The following FOXJ1 variants were observed in gnomAD, a reference collection of about 807,000 sequenced individuals.
The protein encoded by FOXJ1 is forkhead box J1.
Under a neutral mutation model 29.3 loss-of-function variants are expected in FOXJ1, and 8 were observed. The observed-to-expected ratio is 0.27, with a 90% confidence interval of 0.16 to 0.49. The LOEUF (loss-of-function observed/expected upper bound fraction) is 0.49. FOXJ1 is among the 20% of genes least tolerant of loss of function. The pLI is 0.98. For synonymous variants in FOXJ1, 280 were observed against 278.7 expected (o/e 1.00, Z -0.05); for missense variants, 539 against 595.5 (o/e 0.91, Z 0.99).
Position 76,137,908 on chromosome 17 carries a change from C to G in FOXJ1, c.711G>C (p.Arg237=). ...CGGTATTCACCGTCAGCGGCCCGGCCCGGGGGACAGCGCTGGGCTCCTGCG... is the reference window on the plus strand; with the variant it reads ...CGGTATTCACCGTCAGCGGCCCGGCGCGGGGGACAGCGCTGGGCTCCTGCG... ...QAAQEPSAVP[R]AGPLTVNTEA... Residue 237 remains arginine (R), a synonymous_variant, in exon 3 of 3, where the codon CGG becomes CGC. Transcript: ENST00000322957. The surrounding 1 kb of genome is among the most constrained non-coding windows in gnomAD (Gnocchi z 9.5). The G allele has an allele frequency of 6.4e-7, 1 of 1,566,976 alleles. No individual in the cohort carries two copies. The highest frequency in any genetic ancestry group is 8.6e-7 in the Non-Finnish European group (1 of 1,156,236).
chr17:76,138,029 A>G lies in FOXJ1; in HGVS notation c.590T>C (p.Ile197Thr), dbSNP rs773085371. 3.1e-6 allele frequency: 5 copies of G among 1,613,740 alleles called. No homozygotes were observed. The highest frequency in any genetic ancestry group is 1.1e-5 in the South Asian group (1 of 91,086). ...DEPGKGGFWR[I>T]DPQYAERLLS... ...TAGCCGCTCCGCGTACTGGGGGTCA[A>G]TGCGCCAGAAGCCCCCCTTGCCTGG... The change falls in exon 3 of 3, where the codon ATT becomes ACT. Residue 197 changes from isoleucine (I) to threonine (T), a missense_variant. Ile to Thr is a moderately conservative substitution (Grantham distance 89). Transcript: ENST00000322957.
At position 76,140,384 on chromosome 17, in the gene FOXJ1, G is replaced by C. The variant is rs887547849; in HGVS notation, c.12C>G (p.Ser4Arg). The C allele has an allele frequency of 1.0e-5, 15 of 1,478,378 alleles. No homozygotes were observed. The highest frequency in any genetic ancestry group is 1.3e-5 in the Non-Finnish European group (15 of 1,123,384). 91.6% of individuals were successfully genotyped at this position (1,478,378 alleles called of 1,614,324 possible). Residue 4 changes from serine (S) to arginine (R), a missense_variant, in exon 2 of 3, where the codon AGC (serine) becomes AGG (arginine). Around this residue, in one of 3 missense-constraint regions of FOXJ1, gnomAD observed 59 missense variants for 47.5 expected, o/e 1.24. Transcript: ENST00000322957. The surrounding 1 kb of genome is among the most constrained non-coding windows in gnomAD (Gnocchi z 8.0). MAESWLRLSGAGPA... is the reference protein window; with the variant it reads MAERWLRLSGAGPA... ...GCCCGGCTCCCGAGAGGCGCAGCCA[G>C]CTCTCCGCCATGTCTGCGGGGACTC... is the stretch of plus-strand genomic sequence containing the variant.
chr17:76,136,643 C>T lies in FOXJ1; in HGVS notation c.*710G>A, dbSNP rs1394863352. On this transcript the variant is annotated 3_prime_UTR_variant, in exon 3 of 3. Transcript: ENST00000322957. This position sits in a 1 kb window ranked among gnomAD's most constrained non-coding sequence, Gnocchi z 4.9. ...CTGCCCCGGCCCCCAAACCACCAAA[C>T]CCAAACTTCCAGCTGCTCTCAGCCT... 1 of 152,474 alleles carries T rather than the reference C, an allele frequency of 6.6e-6. No individual in the cohort carries two copies. Among genetic ancestry groups the T allele is most frequent in the African/African-American group, 2.4e-5 (1 of 41,412 alleles). The allele number at this position is 152,474 out of a possible 1,614,324, so 9.4% of individuals were successfully genotyped here. A position where few individuals can be genotyped will look rare whatever the true frequency, so the allele number is the denominator to read the frequency against.
At position 76,137,514 on chromosome 17, in the gene FOXJ1, T is replaced by C. The variant is rs776458467; in HGVS notation, c.1105A>G (p.Ser369Gly). The change falls in exon 3 of 3, where the codon AGC (serine) becomes GGC (glycine). Residue 369 changes from serine to glycine, a missense_variant. By Grantham distance (56) the Ser-to-Gly change is moderately conservative. This residue lies in a region of FOXJ1 where 302 missense variants were observed against 293.6 expected (regional missense o/e 1.03). Coordinates refer to ENST00000322957, the MANE Select transcript of FOXJ1 (RefSeq NM_001454.4). This position sits in a 1 kb window ranked among gnomAD's most constrained non-coding sequence, Gnocchi z 9.5. ...WGPSVEQAAD[S>G]LDFDETFLAT... ...AGGAAGGTCTCATCGAAGTCCAGGCTGTCGGCAGCCTGCTCCACCGAAGGC... is the reference window on the plus strand; with the variant it reads ...AGGAAGGTCTCATCGAAGTCCAGGCCGTCGGCAGCCTGCTCCACCGAAGGC... 1.3e-6 allele frequency: 2 copies of C among 1,590,010 alleles called. No individual in the cohort carries two copies. Among genetic ancestry groups the C allele is most frequent in the Admixed American group, 1.8e-5 (1 of 56,516 alleles).
chr17:76,137,666 C>T lies in FOXJ1; in HGVS notation c.953G>A (p.Gly318Asp), dbSNP rs1476967927. The change falls in exon 3 of 3, where the codon GGC becomes GAC. Residue 318 changes from glycine (G) to aspartate (D), a missense_variant. Gly to Asp is a moderately conservative substitution (Grantham distance 94). Coordinates refer to ENST00000322957, the MANE Select transcript of FOXJ1 (RefSeq NM_001454.4). The surrounding 1 kb of genome is among the most constrained non-coding windows in gnomAD (Gnocchi z 9.5). ...NFDWEAIFDA[G>D]TLGGELGALE... Reference sequence around the variant, plus strand: ...TGCACCCAGCTCCCCGCCCAGAGTGCCGGCGTCGAAGATGGCCTCCCAGTC... The same window carrying T: ...TGCACCCAGCTCCCCGCCCAGAGTGTCGGCGTCGAAGATGGCCTCCCAGTC... The T allele has an allele frequency of 6.2e-7, 1 of 1,611,868 alleles. No individual in the cohort carries two copies. The highest frequency in any genetic ancestry group is 8.5e-7 in the Non-Finnish European group (1 of 1,179,440).
rs2068501978 is a variant in FOXJ1, at chr17:76,139,595, A to G, written c.498+303T>C. 6.6e-6 allele frequency among the ~76,000 whole-genome samples: 1 copy of G among 152,062 alleles called. No individual in the cohort carries two copies. Among genetic ancestry groups the G allele is most frequent in the African/African-American group, 2.4e-5 (1 of 41,414 alleles). ...CCCCAAGGAGATTCTGTCCACGCAG[A>G]GTCTAGCCCTGGTCTTTGGCCTGGG... On this transcript the variant is annotated intron_variant, in intron 2 of 2. Transcript: ENST00000322957. The surrounding 1 kb of genome is among the most constrained non-coding windows in gnomAD (Gnocchi z 6.6).
In FOXJ1 at chr17:76,140,490, C is replaced by T. The variant is rs2068509684; in HGVS notation, c.-95G>A. 1.8e-6 allele frequency: 2 copies of T among 1,118,230 alleles called. No individual in the cohort carries two copies. The highest frequency in any genetic ancestry group is 4.2e-5 in the Admixed American group (1 of 24,014). The allele number at this position is 1,118,230 out of a possible 1,614,324, so 69.3% of individuals were successfully genotyped here. A position where few individuals can be genotyped will look rare whatever the true frequency, so the allele number is the denominator to read the frequency against. ...CTGGCCCGCTGAGTCCCGCAGCTCC[C>T]GTTACACGGCCTCCCGGACGCGCGC... On this transcript the variant is annotated 5_prime_UTR_variant, in exon 2 of 3. Transcript: ENST00000322957. This position sits in a 1 kb window ranked among gnomAD's most constrained non-coding sequence, Gnocchi z 8.0.
chr17:76,138,197 C>T (rs2068492456), intron 2 of FOXJ1, 77 bp from the exon 3 acceptor site: 16 of 1,458,310 alleles, frequency 1.1e-5, no homozygotes, highest in Admixed American at 5.3e-5. Context: ...GCACCTGGCG[C>T]TGCTGCGCAC....
chr17:76,140,079 G>A lies in FOXJ1; in HGVS notation c.317C>T (p.Ala106Val), dbSNP rs1446591485. The change falls in exon 2 of 3, where the codon GCC becomes GTC. Residue 106 changes from alanine to valine, a missense_variant. By Grantham distance (64) the Ala-to-Val change is moderately conservative (BLOSUM62 0). Around this residue, in one of 3 missense-constraint regions of FOXJ1, gnomAD observed 178 missense variants for 254.4 expected, o/e 0.70. Transcript: ENST00000322957. The surrounding 1 kb of genome is among the most constrained non-coding windows in gnomAD (Gnocchi z 8.0). ...TSRSAPPGLQ[A>V]PPPDDVDYAT... is the part of the protein sequence containing the mutation. ...GTAGTCCACGTCGTCGGGGGGTGGGGCCTGCAGCCCCGGGGGCGCGCTCCG... is the reference window on the plus strand; with the variant it reads ...GTAGTCCACGTCGTCGGGGGGTGGGACCTGCAGCCCCGGGGGCGCGCTCCG... 1.9e-6 allele frequency: 3 copies of A among 1,605,622 alleles called. No individual in the cohort carries two copies. The highest frequency in any genetic ancestry group is 2.5e-6 in the Non-Finnish European group (3 of 1,179,710).
rs2068503100 is a variant in FOXJ1, at chr17:76,139,760, C to T, written c.498+138G>A. ...AGGGGCAGTTGCAAGAACTGGGCTCCTTTGCAGGGCTCCCTTCTGGGGCGC... is the reference window on the plus strand; with the variant it reads ...AGGGGCAGTTGCAAGAACTGGGCTCTTTTGCAGGGCTCCCTTCTGGGGCGC... On this transcript the variant is annotated intron_variant, in intron 2 of 2. Transcript: ENST00000322957. The surrounding 1 kb of genome is among the most constrained non-coding windows in gnomAD (Gnocchi z 6.6). 2 of 876,274 alleles carry T rather than the reference C, an allele frequency of 2.3e-6. No individual in the cohort carries two copies. Among genetic ancestry groups the T allele is most frequent in the Admixed American group, 4.8e-5 (2 of 41,620 alleles). The allele number at this position is 876,274 out of a possible 1,614,324, so 54.3% of individuals were successfully genotyped here.
Position 76,140,040 on chromosome 17 carries a change from T to C in FOXJ1, c.356A>G (p.His119Arg), listed in dbSNP as rs2068505126. Residue 119 changes from histidine to arginine, a missense_variant, in exon 2 of 3, where the codon CAC becomes CGC. Transcript: ENST00000322957. This position sits in a 1 kb window ranked among gnomAD's most constrained non-coding sequence, Gnocchi z 8.0. Reference protein sequence around the residue: ...PDDVDYATNPHVKPPYSYATL... With the variant: ...PDDVDYATNPRVKPPYSYATL... ...GGCATACGAGTAGGGAGGCTTCACG[T>C]GCGGATTGGTGGCGTAGTCCACGTC... 6.2e-7 allele frequency: 1 copy of C among 1,611,312 alleles called. No homozygotes were observed. The highest frequency in any genetic ancestry group is 1.3e-5 in the African/African-American group (1 of 74,752).
Position 76,140,952 on chromosome 17 carries a change from A to G in FOXJ1, c.-170+162T>C, listed in dbSNP as rs984365027. On this transcript the variant is annotated intron_variant, in intron 1 of 2. Transcript: ENST00000322957. This position sits in a 1 kb window ranked among gnomAD's most constrained non-coding sequence, Gnocchi z 8.0. ...ATATTATGATAGGGGATCATTGGGAAGGAAGGGGACGGAACAGTAACGGGG... is the reference window on the plus strand; with the variant it reads ...ATATTATGATAGGGGATCATTGGGAGGGAAGGGGACGGAACAGTAACGGGG... 6.6e-6 allele frequency among the ~76,000 whole-genome samples: 1 copy of G among 152,092 alleles called. No homozygotes were observed. The highest frequency in any genetic ancestry group is 2.4e-5 in the African/African-American group (1 of 41,398).
In FOXJ1 at chr17:76,140,077, G is replaced by A. The variant is rs2068505818; in HGVS notation, c.319C>T (p.Pro107Ser). 2.5e-6 allele frequency: 4 copies of A among 1,606,186 alleles called. No individual in the cohort carries two copies. The highest frequency in any genetic ancestry group is 1.7e-4 in the Middle Eastern group (1 of 6,048). Residue 107 changes from proline (P) to serine (S), a missense_variant, in exon 2 of 3, where the codon CCA becomes TCA. Around this residue, in one of 3 missense-constraint regions of FOXJ1, gnomAD observed 178 missense variants for 254.4 expected, o/e 0.70. Transcript: ENST00000322957. The surrounding 1 kb of genome is among the most constrained non-coding windows in gnomAD (Gnocchi z 8.0). ...GCGTAGTCCACGTCGTCGGGGGGTGGGGCCTGCAGCCCCGGGGGCGCGCTC... is the reference window on the plus strand; with the variant it reads ...GCGTAGTCCACGTCGTCGGGGGGTGAGGCCTGCAGCCCCGGGGGCGCGCTC... ...SRSAPPGLQA[P>S]PPDDVDYATN... is the part of the protein sequence containing the mutation.
Position 76,137,540 on chromosome 17 carries a change from C to T in FOXJ1, c.1079G>A (p.Gly360Glu), listed in dbSNP as rs757505002. 44 of 1,596,984 alleles carry T rather than the reference C, an allele frequency of 2.8e-5. No homozygotes were observed. The South Asian group carries it at 4.9e-4, about 18-fold the overall frequency. The change falls in exon 3 of 3, where the codon GGG becomes GAG. Residue 360 changes from glycine (G) to glutamate (E), a missense_variant. Physicochemically the swap from Gly to Glu is moderately conservative, Grantham distance 98. Coordinates refer to ENST00000322957, the MANE Select transcript of FOXJ1 (RefSeq NM_001454.4). The surrounding 1 kb of genome is among the most constrained non-coding windows in gnomAD (Gnocchi z 9.5). Reference protein sequence around the residue: ...GRHIDCPATWGPSVEQAADSL... With the variant: ...GRHIDCPATWEPSVEQAADSL... Reference sequence around the variant, plus strand: ...GTCGGCAGCCTGCTCCACCGAAGGCCCCCAGGTGGCAGGGCAGTCGATGTG... The same window carrying T: ...GTCGGCAGCCTGCTCCACCGAAGGCTCCCAGGTGGCAGGGCAGTCGATGTG...
chr17:76,139,258 T>C lies in FOXJ1; in HGVS notation c.498+640A>G, dbSNP rs1007761535. On this transcript the variant is annotated intron_variant, in intron 2 of 2. Coordinates refer to ENST00000322957, the MANE Select transcript of FOXJ1 (RefSeq NM_001454.4). The surrounding 1 kb of genome is among the most constrained non-coding windows in gnomAD (Gnocchi z 6.6). ...TCAGGTAATTGTCCCCCCAGGGAGG[T>C]TGGCTGACAGCGGGGGTTGGAGGCA... Among the ~76,000 whole-genome samples, 3 of 151,860 alleles carry C rather than the reference T, an allele frequency of 2.0e-5. No homozygotes were observed. Among genetic ancestry groups the C allele is most frequent in the Non-Finnish European group, 4.4e-5 (3 of 67,950 alleles).
Position 76,137,791 on chromosome 17 carries a change from C to T in FOXJ1, c.828G>A (p.Gln276=). The T allele has an allele frequency of 6.2e-7, 1 of 1,607,510 alleles. No homozygotes were observed. The highest frequency in any genetic ancestry group is 8.5e-7 in the Non-Finnish European group (1 of 1,177,478). The part of the protein sequence containing the change: ...GEGRLGHKRK[Q]PLPKRVAKVP... ...CCTTGGCCACCCGCTTGGGCAGCGG[C>T]TGTTTGCGCTTATGCCCCAGCCTGC... is the stretch of plus-strand genomic sequence containing the variant. The change falls in exon 3 of 3, where the codon CAG becomes CAA. Residue 276 remains glutamine (Q), a synonymous_variant. Transcript: ENST00000322957. This position sits in a 1 kb window ranked among gnomAD's most constrained non-coding sequence, Gnocchi z 9.5.
Position 76,137,095 on chromosome 17 carries a change from G to GC in FOXJ1, c.*257dup. 1 of 376,782 alleles carries GC rather than the reference G, an allele frequency of 2.7e-6. No individual in the cohort carries two copies. Among genetic ancestry groups the GC allele is most frequent in the Non-Finnish European group, 4.7e-6 (1 of 212,276 alleles). The allele number at this position is 376,782 out of a possible 1,614,324, so 23.3% of individuals were successfully genotyped here. On this transcript the variant is annotated 3_prime_UTR_variant, in exon 3 of 3. Transcript: ENST00000322957. The surrounding 1 kb of genome is among the most constrained non-coding windows in gnomAD (Gnocchi z 9.5). Reference sequence around the variant, plus strand: ...AGCCGGTTTCTGGGGCTGGGAAGACGCGGAGCAATGAAACACTGTGTGTAC... The same window carrying GC: ...AGCCGGTTTCTGGGGCTGGGAAGACGCCGGAGCAATGAAACACTGTGTGTAC...
Position 76,136,958 on chromosome 17 carries a change from G to C in FOXJ1, c.*395C>G, listed in dbSNP as rs2068483199. 5.4e-6 allele frequency: 1 copy of C among 184,422 alleles called. No individual in the cohort carries two copies. Among genetic ancestry groups the C allele is most frequent in the Non-Finnish European group, 1.1e-5 (1 of 90,052 alleles). The allele number at this position is 184,422 out of a possible 1,614,324, so 11.4% of individuals were successfully genotyped here. On this transcript the variant is annotated 3_prime_UTR_variant, in exon 3 of 3. Coordinates refer to ENST00000322957, the MANE Select transcript of FOXJ1 (RefSeq NM_001454.4). This position sits in a 1 kb window ranked among gnomAD's most constrained non-coding sequence, Gnocchi z 4.9. ...TACCTGGGGACTCTCTCTGGATAGAGACCTGGGGAAGCAGGGGGGAAGCGG... is the reference window on the plus strand; with the variant it reads ...TACCTGGGGACTCTCTCTGGATAGACACCTGGGGAAGCAGGGGGGAAGCGG...
chr17:76,140,987 CGA>C lies in FOXJ1; in HGVS notation c.-170+125_-170+126del, dbSNP rs990167905. The C allele has an allele frequency of 6.6e-6, 1 of 152,336 alleles. No homozygotes were observed. The highest frequency in any genetic ancestry group is 2.4e-5 in the African/African-American group (1 of 41,422). The allele number at this position is 152,336 out of a possible 1,614,324, so 9.4% of individuals were successfully genotyped here. ...CGGAACAGTAACGGGGGGCAGGAGG[CGA>C]GTTTCCCCCAGACTTCTCCGATGTC... On this transcript the variant is annotated intron_variant, in intron 1 of 2. Transcript: ENST00000322957. This position sits in a 1 kb window ranked among gnomAD's most constrained non-coding sequence, Gnocchi z 8.0.
Sources: allele counts gnomAD v4.1 joint callset (sites outside exome capture counted in the v4.1 genomes callset), GRCh38; gene constraint gnomAD v4.1.1; regional missense constraint gnomAD v4.1.1; non-coding constraint Gnocchi (gnomAD v3.1); transcripts MANE v1.5; gene names NCBI Gene and HGNC (gene_info 2026-07-23, HGNC 2026-07-21).